The following TMEM183A variants were observed in gnomAD, a reference collection of about 807,000 sequenced individuals.
TMEM183A encodes the protein chromosome 1 open reading frame 37.
In TMEM183A, 21 loss-of-function variants were observed where a neutral mutation model predicts 46.7. That is an observed-to-expected ratio of 0.45 (90% CI 0.32 to 0.65). TMEM183A has a LOEUF of 0.65. TMEM183A is among the 30% of genes least tolerant of loss of function. The pLI, the probability that TMEM183A is intolerant of heterozygous loss-of-function variation, is 0.04. For missense variants in TMEM183A, 331 were observed against 481.9 expected (o/e 0.69, Z 2.93); for synonymous variants, 165 against 180.2 (o/e 0.92, Z 0.68).
At chr1:203,019,258 T>C (rs1657446438) in intron 6 of TMEM183A, among the ~76,000 whole-genome samples, 2 of 152,166 alleles carry the variant, frequency 1.3e-5, no homozygotes, top group African/African-American at 4.8e-5. Context: ...GGATAAGGGA[T>C]ACTCAATCCG....
intron 5 of TMEM183A, among the ~76,000 whole-genome samples, chr1:203,017,605 C>T (rs1021552079): frequency 2.0e-5 from 3 of 152,310 alleles, no homozygotes; most frequent in African/African-American, 7.2e-5. Flanking sequence ...GGTATGGGGC[C>T]TGCAGTGGCA....
intron 6 of TMEM183A, among the ~76,000 whole-genome samples, chr1:203,019,630 G>C (rs1470021109): frequency 6.6e-6 from 1 of 152,016 alleles, no homozygotes; most frequent in East Asian, 1.9e-4. Flanking sequence ...TATTATTTAA[G>C]CTTATTTACC....
At chr1:203,012,876 T>G (rs1656800577) in intron 3 of TMEM183A, among the ~76,000 whole-genome samples, 1 of 152,120 alleles carries the variant, frequency 6.6e-6, no homozygotes, top group South Asian at 2.1e-4. Context: ...ACTACAGGCA[T>G]GCACCACCAT....
At chr1:203,015,141 C>T (rs1657045449) in intron 4 of TMEM183A, 93 bp downstream of exon 4, 2 of 1,540,134 alleles carry the variant, frequency 1.3e-6, no homozygotes, top group South Asian at 2.4e-5. Flanking sequence ...GACCTCTTTT[C>T]ACTTTCTCTA....
intron 5 of TMEM183A, 93 bp downstream of exon 5, chr1:203,016,233 G>A: frequency 1.3e-6 from 2 of 1,569,660 alleles, no homozygotes; most frequent in Non-Finnish European, 8.7e-7. Flanking sequence ...GATGGGGAGG[G>A]GTGTAGGTCC....
chr1:203,007,981 T>G, intron 2 of TMEM183A, 118 bp downstream of exon 2: 3 of 1,286,666 alleles, frequency 2.3e-6, no homozygotes, highest in Non-Finnish European at 3.2e-6. Context: ...CTTTCGTTAG[T>G]GTTAACTTAC....
chr1:203,008,338 A>C (rs1373938596), intron 2 of TMEM183A, among the ~76,000 whole-genome samples: 1 of 152,200 alleles, frequency 6.6e-6, no homozygotes, highest in Non-Finnish European at 1.5e-5. Context: ...TTATGAGAAT[A>C]CAAATCAGCT....
intron 6 of TMEM183A, among the ~76,000 whole-genome samples, chr1:203,018,818 A>C (rs1489184780): frequency 6.6e-6 from 1 of 152,158 alleles, no homozygotes; most frequent in East Asian, 1.9e-4. Context: ...GGGGAGGAAC[A>C]CTTTGTCCTC....
intron 7 of TMEM183A, among the ~76,000 whole-genome samples, chr1:203,022,014 ACTCT>A (rs1435373093): frequency 2.0e-5 from 3 of 151,772 alleles, no homozygotes; most frequent in African/African-American, 4.8e-5. Context: ...ATATGTATGT[ACTCT>A]CTCTCTCTCA....
chr1:203,017,414 C>G (rs1167958871), intron 5 of TMEM183A, among the ~76,000 whole-genome samples: 1 of 152,214 alleles, frequency 6.6e-6, no homozygotes, highest in Non-Finnish European at 1.5e-5. Flanking sequence ...GTGCACAATG[C>G]AAGTGCTACT....
chr1:203,022,741 G>A, intron 7 of TMEM183A, 114 bp from the exon 8 acceptor site: 1 of 1,347,982 alleles, frequency 7.4e-7, no homozygotes, highest in Non-Finnish European at 1.0e-6. Context: ...ATAATTTAGA[G>A]ATTAATCTTG....
At chr1:203,011,545 T>A (rs887020619) in intron 3 of TMEM183A, among the ~76,000 whole-genome samples, 22 of 152,146 alleles carry the variant, frequency 1.4e-4, no homozygotes, top group Non-Finnish European at 3.2e-4. Context: ...TAGCTGGGAT[T>A]ACAGGCATGC....
At position 203,016,022 on chromosome 1, in the gene TMEM183A, G is replaced by A. The variant is rs1428414920; in HGVS notation, c.590G>A (p.Arg197His). 6.2e-7 allele frequency: 1 copy of A among 1,614,000 alleles called. No individual in the cohort carries two copies. The highest frequency in any genetic ancestry group is 2.2e-5 in the East Asian group (1 of 44,884). ...RLRPESMEKL[R>H]CLRACVIRSL... is the part of the protein sequence containing the mutation. ...CGACCAGAGTCAATGGAGAAGCTGC[G>A]CTGTCTCCGGGCTTGTGTGATCCGA... is the stretch of plus-strand genomic sequence containing the variant. Residue 197 changes from arginine (R) to histidine (H), a missense_variant, in exon 5 of 8, where the codon CGC (arginine) becomes CAC (histidine). Transcript: ENST00000367242.
chr1:203,022,229 C>T (rs1394718069), intron 7 of TMEM183A, among the ~76,000 whole-genome samples: 1 of 152,094 alleles, frequency 6.6e-6, no homozygotes, highest in Non-Finnish European at 1.5e-5. Flanking sequence ...CCTGCCACCA[C>T]ACCCAGCTAA....
At chr1:203,020,970 C>G in intron 7 of TMEM183A, 22 bp downstream of exon 7, 1 of 1,331,488 alleles carries the variant, frequency 7.5e-7, no homozygotes, top group Non-Finnish European at 9.9e-7. Flanking sequence ...CTCAGGATGT[C>G]ATTCTCAGCT....
At chr1:203,022,657 C>G (rs1181710343) in intron 7 of TMEM183A, among the ~76,000 whole-genome samples, 198 bp from the exon 8 acceptor site, 4 of 149,318 alleles carry the variant, frequency 2.7e-5, no homozygotes, top group Admixed American at 6.7e-5. Context: ...GAGCCGAGAT[C>G]ACATCACTGC....
chr1:203,011,869 CT>C (rs11315785), intron 3 of TMEM183A, among the ~76,000 whole-genome samples: 97,729 of 110,900 alleles, frequency 0.88, 42,599 homozygotes, highest in Admixed American at 0.92. Flanking sequence ...TCAGACTGGT[CT>C]TTTTTTTTTT....
intron 5 of TMEM183A, 58 bp downstream of exon 5, chr1:203,016,198 A>G: frequency 6.2e-7 from 1 of 1,609,900 alleles, no homozygotes; most frequent in South Asian, 1.1e-5. Context: ...TAGGCCTGTT[A>G]TCATGGCTTG....
At chr1:203,020,064 T>C (rs1378843915) in intron 6 of TMEM183A, among the ~76,000 whole-genome samples, 2 of 151,672 alleles carry the variant, frequency 1.3e-5, no homozygotes, top group Non-Finnish European at 2.9e-5. Context: ...TCTCCTCTAC[T>C]TAGTATCTCA....
Sources: allele counts gnomAD v4.1 joint callset (sites outside exome capture counted in the v4.1 genomes callset), GRCh38; gene constraint gnomAD v4.1.1; transcripts MANE v1.5; gene names NCBI Gene and HGNC (gene_info 2026-07-23, HGNC 2026-07-21).